Variants in XIST observed in about 807,000 individuals in gnomAD.
XIST encodes X inactive specific transcript.
At chrX:73,831,655 G>C (rs1390421670) in intron 3 of XIST, among the ~76,000 whole-genome samples, 1 of 111,527 alleles carries the variant, frequency 9.0e-6, no homozygotes. Context: ...GAAATCAAGA[G>C]GTTGAAACTA....
At chrX:73,850,956 C>T in exon 1 of XIST, 1 of 559,178 alleles carries the variant, frequency 1.8e-6, no homozygotes, top group Non-Finnish European at 3.2e-6. Flanking sequence ...GTACCGCCCA[C>T]TGGGAGACAT....
At chrX:73,850,226 A>T in exon 1 of XIST, 1 of 549,712 alleles carries the variant, frequency 1.8e-6, no homozygotes, top group South Asian at 2.3e-5. Context: ...AAAGAAAATG[A>T]CCAGCACATT....
At chrX:73,823,313 T>C (rs1422212601) in exon 6 of XIST, 3 of 411,469 alleles carry the variant, frequency 7.3e-6, no homozygotes, top group Middle Eastern at 3.8e-4. Context: ...TTCTTTCTTT[T>C]TTTTTTTTTT....
intron 5 of XIST, chrX:73,827,992 G>A (rs1312800293): frequency 4.0e-6 from 2 of 497,453 alleles, no homozygotes; most frequent in Non-Finnish European, 7.1e-6. Flanking sequence ...ACACTTGAGT[G>A]CAAGAGATAA....
exon 1 of XIST, chrX:73,845,772 A>ATGGAGGGGGCACTCCCTGC: frequency 5.8e-6 from 2 of 344,476 alleles, no homozygotes; most frequent in Non-Finnish European, 1.1e-5. Flanking sequence ...TAATGATCTT[A>ATGGAGGGGGCACTCCCTGC]TGGAGGGGGC....
chrX:73,836,210 T>A (rs1034386694), intron 2 of XIST, among the ~76,000 whole-genome samples: 3 of 112,136 alleles, frequency 2.7e-5, no homozygotes, highest in Non-Finnish European at 5.6e-5. Flanking sequence ...CAGAATAATT[T>A]AATCTGAAAA....
At chrX:73,822,387 A>T (rs1922142223) in exon 6 of XIST, 1 of 522,140 alleles carries the variant, frequency 1.9e-6, no homozygotes, top group African/African-American at 2.3e-5. Context: ...CCTAACAAGA[A>T]AACAAGCCAA....
chrX:73,842,967 C>A (rs1446322760), exon 1 of XIST: 8 of 556,760 alleles, frequency 1.4e-5, no homozygotes, highest in African/African-American at 4.5e-5. Context: ...CCATGGCTAC[C>A]TGTGATTTTA....
At position 73,849,576 on chromosome X, in the gene XIST, A is replaced by G. The variant is rs374240293; in HGVS notation, n.3148T>C. 5 of 556,291 alleles carry G rather than the reference A, an allele frequency of 9.0e-6. No individual in the cohort carries two copies. The African/African-American group carries it at 1.1e-4, about 13-fold the overall frequency. The allele number at this position is 556,291 out of a possible 1,213,427, so 45.8% of individuals were successfully genotyped here. ...ATTGTGGGCAATAATGCTCTGATAG[A>G]AAGCTCTCAATTGACATTCCCTAAC... On this transcript the variant is annotated non_coding_transcript_exon_variant, in exon 1 of 6. Transcript: ENST00000429829.
chrX:73,846,540 T>C (rs752077403), exon 1 of XIST: 6 of 557,458 alleles, frequency 1.1e-5, no homozygotes, highest in African/African-American at 2.2e-5. Context: ...CTTATTCACA[T>C]GGAATGAGCA....
At chrX:73,824,594 A>G (rs377641123) in exon 6 of XIST, 2 of 553,557 alleles carry the variant, frequency 3.6e-6, no homozygotes, top group Non-Finnish European at 6.5e-6. Flanking sequence ...TGGTTTAACT[A>G]TACAATGAGA....
chrX:73,845,828 C>CG (rs767047139), exon 1 of XIST: 9 of 125,493 alleles, frequency 7.2e-5, no homozygotes, highest in Admixed American at 5.7e-4. Context: ...GGGGTGGGGG[C>CG]GGGGGGAAGG....
At chrX:73,846,200 T>C in exon 1 of XIST, 1 of 558,664 alleles carries the variant, frequency 1.8e-6, no homozygotes, top group East Asian at 3.2e-5. Context: ...AGGGCCTTGG[T>C]GATCAGCACC....
chrX:73,842,207 C>T (rs776736520), exon 1 of XIST: 47 of 513,193 alleles, frequency 9.2e-5, no homozygotes, highest in Non-Finnish European at 1.6e-4. Context: ...ATTTTTCTGG[C>T]TGTATCCTGG....
At chrX:73,825,686 G>A in exon 6 of XIST, 1 of 514,760 alleles carries the variant, frequency 1.9e-6, no homozygotes, top group Non-Finnish European at 3.5e-6. Flanking sequence ...ATGGCCCACA[G>A]TCTAAAGTAT....
At chrX:73,840,058 T>G (rs1922558422) in intron 1 of XIST, among the ~76,000 whole-genome samples, 1 of 111,821 alleles carries the variant, frequency 8.9e-6, no homozygotes, top group South Asian at 3.7e-4. Context: ...ATAAGTTATA[T>G]AAAACACATC....
rs758826443 is a variant in XIST, at chrX:73,827,039, CTTTCCA to C, written n.12856_12861del. 9.0e-6 allele frequency: 5 copies of C among 556,742 alleles called. No homozygotes were observed. In the African/African-American group the frequency reaches 1.1e-4, roughly 13 times the overall value. The allele number at this position is 556,742 out of a possible 1,213,427, so 45.9% of individuals were successfully genotyped here. A position where few individuals can be genotyped will look rare whatever the true frequency, so the allele number is the denominator to read the frequency against. On this transcript the variant is annotated non_coding_transcript_exon_variant, in exon 6 of 6. Transcript: ENST00000429829. ...GCTTCTATCTATCTTGGAACATGGG[CTTTCCA>C]TCTTAGTCCTCGGGTCTCAAGTCTC... is the stretch of plus-strand genomic sequence containing the variant.
exon 6 of XIST, chrX:73,824,736 C>T (rs1350652822): frequency 1.8e-6 from 1 of 557,160 alleles, no homozygotes; most frequent in African/African-American, 2.2e-5. Context: ...CGGTCTGGAT[C>T]TCACATCTAT....
exon 6 of XIST, chrX:73,827,827 T>G (rs760362451): frequency 3.4e-5 from 18 of 529,902 alleles, no homozygotes; most frequent in Non-Finnish European, 5.8e-5. Flanking sequence ...GAGATATGTC[T>G]AAGACAAGAC....
Sources: allele counts gnomAD v4.1 joint callset (sites outside exome capture counted in the v4.1 genomes callset), GRCh38; gene constraint gnomAD v4.1.1; transcripts MANE v1.5; gene names NCBI Gene and HGNC (gene_info 2026-07-23, HGNC 2026-07-21).